The following FAM111A variants were observed in gnomAD, a reference collection of about 807,000 sequenced individuals.
FAM111A encodes the protein serine protease FAM111A.
A neutral mutation model predicts 3.3 loss-of-function variants in FAM111A; 8 were observed. The observed-to-expected ratio is 2.39, with a 90% confidence interval of 1.40 to 4.32. The LOEUF is 4.32. Among genes scored for constraint, FAM111A ranks in the 30% most tolerant of loss-of-function variants. The probability of loss-of-function intolerance (pLI) is 0.00; values close to 1 mark genes in which losing one functional copy is unlikely to be tolerated. For missense variants in FAM111A, 683 were observed against 727.6 expected (o/e 0.94, Z 0.71); for synonymous variants, 227 against 243.1 (o/e 0.93, Z 0.62).
chr11:59,151,876 C>A lies in FAM111A; in HGVS notation c.208C>A (p.Gln70Lys), dbSNP rs1861703937. 1.9e-6 allele frequency: 3 copies of A among 1,614,022 alleles called. No homozygotes were observed. Among genetic ancestry groups the A allele is most frequent in the East Asian group, 2.2e-5 (1 of 44,904 alleles). Residue 70 changes from glutamine (Q) to lysine (K), a missense_variant, in exon 6 of 6, where the codon CAG becomes AAG. By Grantham distance (53) the Gln-to-Lys change is moderately conservative (BLOSUM62 1). Coordinates refer to ENST00000675163, the MANE Select transcript of FAM111A (RefSeq NM_001312909.2). ...FHSPKKNPED[Q>K]TMPQNRTIYV... ...TTCACCTAAGAAAAATCCAGAAGAC[C>A]AGACCATGCCCCAAAATAGGACAAT...
Position 59,153,012 on chromosome 11 carries a change from T to G in FAM111A, c.1344T>G (p.Asn448Lys). 6.2e-7 allele frequency: 1 copy of G among 1,614,084 alleles called. No individual in the cohort carries two copies. The highest frequency in any genetic ancestry group is 8.5e-7 in the Non-Finnish European group (1 of 1,180,016). The change falls in exon 6 of 6, where the codon AAT (asparagine) becomes AAG (lysine). Residue 448 changes from asparagine (N) to lysine (K), a missense_variant. Around this residue, in one of 3 missense-constraint regions of FAM111A, gnomAD observed 557 missense variants for 600.2 expected, o/e 0.93. Transcript: ENST00000675163. ...ATGCTGTCCTGAAACTGAAGGAAAATGGACAACAAGTACCTATGGAACTAT... is the reference window on the plus strand; with the variant it reads ...ATGCTGTCCTGAAACTGAAGGAAAAGGGACAACAAGTACCTATGGAACTAT... ...LDYAVLKLKE[N>K]GQQVPMELYN...
chr11:59,153,476 T>C lies in FAM111A; in HGVS notation c.1808T>C (p.Val603Ala). Reference protein sequence around the residue: ...YEEVFVNQQDVEMMSDEDL With the variant: ...YEEVFVNQQDAEMMSDEDL ...GAAGTATTTGTAAATCAGCAGGATG[T>C]AGAAATGATGAGTGATGAGGACTTG... Residue 603 changes from valine to alanine, a missense_variant, in exon 6 of 6, where the codon GTA becomes GCA. Coordinates refer to ENST00000675163, the MANE Select transcript of FAM111A (RefSeq NM_001312909.2). 6.2e-7 allele frequency: 1 copy of C among 1,610,642 alleles called. No individual in the cohort carries two copies. The highest frequency in any genetic ancestry group is 8.5e-7 in the Non-Finnish European group (1 of 1,178,438).
At position 59,151,900 on chromosome 11, in the gene FAM111A, A is replaced by C. The variant is rs1861710006; in HGVS notation, c.232A>C (p.Ile78Leu). The change falls in exon 6 of 6, where the codon ATA becomes CTA. Residue 78 changes from isoleucine to leucine, a missense_variant. Ile to Leu is a conservative substitution (Grantham distance 5). Transcript: ENST00000675163. ...EDQTMPQNRTIYVTLKVNHRR... is the reference protein window; with the variant it reads ...EDQTMPQNRTLYVTLKVNHRR... Reference sequence around the variant, plus strand: ...CCAGACCATGCCCCAAAATAGGACAATATATGTTACCTTGAAGGTAAACCA... The same window carrying C: ...CCAGACCATGCCCCAAAATAGGACACTATATGTTACCTTGAAGGTAAACCA... 1 of 1,614,110 alleles carries C rather than the reference A, an allele frequency of 6.2e-7. No individual in the cohort carries two copies. Among genetic ancestry groups the C allele is most frequent in the Non-Finnish European group, 8.5e-7 (1 of 1,180,050 alleles).
intron 5 of FAM111A, among the ~76,000 whole-genome samples, chr11:59,149,671 A>C (rs1861406446): frequency 1.3e-5 from 2 of 152,212 alleles, no homozygotes; most frequent in South Asian, 2.1e-4. Context: ...TATAACCTAC[A>C]TTTGAATATA....
rs567621452 is a variant in FAM111A at position 59,153,949 on chromosome 11, G to A, written c.*445G>A. On this transcript the variant is annotated 3_prime_UTR_variant, in exon 6 of 6. Transcript: ENST00000675163. ...AGGCGGGTCTCGAACTCCTGACCTCGTGATCCACCTGCCTCGGCCTTCCAA... is the reference window on the plus strand; with the variant it reads ...AGGCGGGTCTCGAACTCCTGACCTCATGATCCACCTGCCTCGGCCTTCCAA... The A allele has an allele frequency of 3.3e-5, 5 of 151,444 alleles. No individual in the cohort carries two copies. In the South Asian group the frequency reaches 8.3e-4, roughly 25 times the overall value. The allele number at this position is 151,444 out of a possible 1,614,324, so 9.4% of individuals were successfully genotyped here.
rs1862105754 is a variant in FAM111A, at chr11:59,154,701, C to T, written c.*1197C>T. Reference sequence around the variant, plus strand: ...ATTTTAAGGACTGGTTTCGAGGGGTCGAGTGTAGGAAAACAGCCTGTTGCA... The same window carrying T: ...ATTTTAAGGACTGGTTTCGAGGGGTTGAGTGTAGGAAAACAGCCTGTTGCA... On this transcript the variant is annotated 3_prime_UTR_variant, in exon 6 of 6. Coordinates refer to ENST00000675163, the MANE Select transcript of FAM111A (RefSeq NM_001312909.2). 1 of 152,182 alleles carries T rather than the reference C, an allele frequency of 6.6e-6. No homozygotes were observed. Among genetic ancestry groups the T allele is most frequent in the South Asian group, 2.1e-4 (1 of 4,818 alleles). 9.4% of individuals were successfully genotyped at this position (152,182 alleles called of 1,614,324 possible). A position where few individuals can be genotyped will look rare whatever the true frequency, so the allele number is the denominator to read the frequency against.
chr11:59,154,001 C>T lies in FAM111A; in HGVS notation c.*497C>T, dbSNP rs1051596770. The T allele has an allele frequency of 6.6e-6, 1 of 152,274 alleles. No homozygotes were observed. The highest frequency in any genetic ancestry group is 2.4e-5 in the African/African-American group (1 of 41,374). 9.4% of individuals were successfully genotyped at this position (152,274 alleles called of 1,614,324 possible). ...GTGCTGGGATTACAAGTTTGAGCCA[C>T]TGCACCTGGCTAACTTGCCCTATTT... is the stretch of plus-strand genomic sequence containing the variant. On this transcript the variant is annotated 3_prime_UTR_variant, in exon 6 of 6. Coordinates refer to ENST00000675163, the MANE Select transcript of FAM111A (RefSeq NM_001312909.2).
intron 2 of FAM111A, 42 bp from the exon 3 acceptor site, chr11:59,143,455 A>C (rs563452469): frequency 6.6e-6 from 1 of 152,224 alleles, no homozygotes; most frequent in South Asian, 2.1e-4. Flanking sequence ...CTGGAAACTT[A>C]AAAAGAACAG....
At position 59,151,878 on chromosome 11, in the gene FAM111A, G is replaced by A. The variant is rs756788741; in HGVS notation, c.210G>A (p.Gln70=). The change falls in exon 6 of 6, where the codon CAG becomes CAA. Residue 70 remains glutamine (Q), a synonymous_variant. Coordinates refer to ENST00000675163, the MANE Select transcript of FAM111A (RefSeq NM_001312909.2). ...CACCTAAGAAAAATCCAGAAGACCA[G>A]ACCATGCCCCAAAATAGGACAATAT... is the stretch of plus-strand genomic sequence containing the variant. ...FHSPKKNPED[Q]TMPQNRTIYV... is the part of the protein sequence containing the mutation. 1 of 1,614,118 alleles carries A rather than the reference G, an allele frequency of 6.2e-7. No homozygotes were observed. The highest frequency in any genetic ancestry group is 1.1e-5 in the South Asian group (1 of 91,070).
In FAM111A at chr11:59,152,983, G is replaced by A; in HGVS notation, c.1315G>A (p.Asp439Asn). Residue 439 changes from aspartate to asparagine, a missense_variant, in exon 6 of 6, where the codon GAC becomes AAC. Around this residue, in one of 3 missense-constraint regions of FAM111A, gnomAD observed 557 missense variants for 600.2 expected, o/e 0.93. Coordinates refer to ENST00000675163, the MANE Select transcript of FAM111A (RefSeq NM_001312909.2). Reference protein sequence around the residue: ...PWFEIHNEELDYAVLKLKENG... With the variant: ...PWFEIHNEELNYAVLKLKENG... Reference sequence around the variant, plus strand: ...GTTTGAGATACATAATGAAGAGCTTGACTATGCTGTCCTGAAACTGAAGGA... The same window carrying A: ...GTTTGAGATACATAATGAAGAGCTTAACTATGCTGTCCTGAAACTGAAGGA... The A allele has an allele frequency of 1.2e-6, 2 of 1,614,066 alleles. No individual in the cohort carries two copies. The highest frequency in any genetic ancestry group is 1.7e-6 in the Non-Finnish European group (2 of 1,180,028).
Position 59,148,831 on chromosome 11 carries a change from A to G in FAM111A, c.-42A>G. The stretch of plus-strand genomic sequence containing the variant: ...TACTGCTATAATTTGAAAATTTGAA[A>G]TTAGTGTTTCAGCTGAACCATCCGT... On this transcript the variant is annotated 5_prime_UTR_variant, in exon 5 of 6. Coordinates refer to ENST00000675163, the MANE Select transcript of FAM111A (RefSeq NM_001312909.2). 5.6e-6 allele frequency: 8 copies of G among 1,426,438 alleles called. No homozygotes were observed. The highest frequency in any genetic ancestry group is 7.9e-6 in the Non-Finnish European group (8 of 1,010,190). The allele number at this position is 1,426,438 out of a possible 1,614,324, so 88.4% of individuals were successfully genotyped here.
At chr11:59,147,334 G>A (rs1861062823) in intron 4 of FAM111A, among the ~76,000 whole-genome samples, 1 of 152,180 alleles carries the variant, frequency 6.6e-6, no homozygotes, top group Admixed American at 6.5e-5. Context: ...GTGAGCCCAA[G>A]CATTGATTTG....
At chr11:59,150,787 A>G (rs897963758) in intron 5 of FAM111A, among the ~76,000 whole-genome samples, 2 of 152,234 alleles carry the variant, frequency 1.3e-5, no homozygotes, top group Non-Finnish European at 2.9e-5. Flanking sequence ...CGTCTACAAG[A>G]AAAACTTTCT....
rs949414471 is a variant in FAM111A, at chr11:59,153,752, A to T, written c.*248A>T. 6.5e-6 allele frequency: 2 copies of T among 309,942 alleles called. No individual in the cohort carries two copies. The highest frequency in any genetic ancestry group is 1.2e-5 in the Non-Finnish European group (2 of 170,518). 19.2% of individuals were successfully genotyped at this position (309,942 alleles called of 1,614,324 possible). A position where few individuals can be genotyped will look rare whatever the true frequency, so the allele number is the denominator to read the frequency against. On this transcript the variant is annotated 3_prime_UTR_variant, in exon 6 of 6. Coordinates refer to ENST00000675163, the MANE Select transcript of FAM111A (RefSeq NM_001312909.2). ...AGTCTCACTCTGTCGCCTGGGCTGG[A>T]GTACAGTGGTGCGATCTCAGCTCAC...
At chr11:59,151,373 A>G (rs1392188353) in intron 5 of FAM111A, among the ~76,000 whole-genome samples, 1 of 152,210 alleles carries the variant, frequency 6.6e-6, no homozygotes, top group Non-Finnish European at 1.5e-5. Flanking sequence ...CTGGTCTCAA[A>G]CTCCTGACCT....
chr11:59,152,857 C>T lies in FAM111A; in HGVS notation c.1189C>T (p.Pro397Ser). 6.2e-7 allele frequency: 1 copy of T among 1,614,012 alleles called. No homozygotes were observed. Residue 397 changes from proline to serine, a missense_variant, in exon 6 of 6, where the codon CCA becomes TCA. Physicochemically the swap from Pro to Ser is moderately conservative, Grantham distance 74. Around this residue, in one of 3 missense-constraint regions of FAM111A, gnomAD observed 557 missense variants for 600.2 expected, o/e 0.93. Transcript: ENST00000675163. Reference sequence around the variant, plus strand: ...TAGCATTGTGGGAGACGGAATAGAGCCAAGTAAGTGGGCAACCATAATTGG... The same window carrying T: ...TAGCATTGTGGGAGACGGAATAGAGTCAAGTAAGTGGGCAACCATAATTGG... ...IDSIVGDGIE[P>S]SKWATIIGQC...
At chr11:59,150,489 C>T (rs1022280707) in intron 5 of FAM111A, among the ~76,000 whole-genome samples, 2 of 152,128 alleles carry the variant, frequency 1.3e-5, no homozygotes, top group Non-Finnish European at 2.9e-5. Context: ...CTGCTGGTAC[C>T]CATGCCATGA....
At chr11:59,149,423 G>A (rs1861370396) in intron 5 of FAM111A, among the ~76,000 whole-genome samples, 3 of 152,118 alleles carry the variant, frequency 2.0e-5, no homozygotes, top group Admixed American at 2.0e-4. Context: ...AACTAAAATT[G>A]TCCTTACTTG....
Position 59,152,067 on chromosome 11 carries a change from A to C in FAM111A, c.399A>C (p.Gly133=). The change falls in exon 6 of 6, where the codon GGA becomes GGC. Residue 133 remains glycine, a synonymous_variant. Transcript: ENST00000675163. ...AAATGCTTGTGCGTGGCACAGAAGG[A>C]ATCAAAGAGTACATAAACCTTGGAA... is the stretch of plus-strand genomic sequence containing the variant. ...GQEMLVRGTE[G]IKEYINLGMP... is the part of the protein sequence containing the mutation. 2.5e-6 allele frequency: 4 copies of C among 1,614,196 alleles called. No individual in the cohort carries two copies. The highest frequency in any genetic ancestry group is 3.4e-6 in the Non-Finnish European group (4 of 1,180,026).
Sources: gnomAD v4.1 joint callset for allele counts (sites outside exome capture counted in the v4.1 genomes callset) on GRCh38, gnomAD v4.1.1 for gene constraint, gnomAD v4.1.1 regional missense constraint, MANE v1.5 for transcripts, NCBI Gene and HGNC (gene_info 2026-07-23, HGNC 2026-07-21) for gene names.